The following SORT1 variants were observed in gnomAD, a reference collection of about 807,000 sequenced individuals.
SORT1 encodes sortilin.
In SORT1, 39 loss-of-function variants were observed where a neutral mutation model predicts 101.7. The observed-to-expected ratio is 0.38, with a 90% CI of 0.30 to 0.50. The LOEUF (loss-of-function observed/expected upper bound fraction) is 0.50, where lower values mean the gene tolerates loss of function less well. Among genes scored for constraint, SORT1 ranks in the 20% least tolerant of loss-of-function variants. The probability of loss-of-function intolerance (pLI) is 0.90; values close to 1 mark genes in which losing one functional copy is unlikely to be tolerated. For missense variants in SORT1, 878 were observed against 1,040.4 expected (o/e 0.84, Z 2.15); for synonymous variants, 396 against 393.7 (o/e 1.01, Z -0.07).
chr1:109,375,866 T>C (rs1395377139), intron 1 of SORT1, among the ~76,000 whole-genome samples: 1 of 152,132 alleles, frequency 6.6e-6, no homozygotes, highest in Non-Finnish European at 1.5e-5. Flanking sequence ...AGTGAAACTA[T>C]TTTTCAAAAA....
intron 1 of SORT1, among the ~76,000 whole-genome samples, chr1:109,387,159 T>G (rs1284155407): frequency 6.6e-6 from 1 of 151,918 alleles, no homozygotes; most frequent in African/African-American, 2.4e-5. Context: ...GGTGTGGTGG[T>G]GCACATCTGC....
At chr1:109,335,053 C>T (rs561762463) in intron 11 of SORT1, among the ~76,000 whole-genome samples, 49 of 152,150 alleles carry the variant, frequency 3.2e-4, no homozygotes, top group Non-Finnish European at 6.3e-4. Context: ...TCCACCAATC[C>T]TAGTCAACTG....
At chr1:109,366,052 T>C (rs1016317401) in intron 3 of SORT1, among the ~76,000 whole-genome samples, 10 of 152,220 alleles carry the variant, frequency 6.6e-5, no homozygotes, top group African/African-American at 2.4e-4. Context: ...GGTATGTCAT[T>C]ACTTCTTTAG....
At chr1:109,325,819 C>CA in intron 13 of SORT1, among the ~76,000 whole-genome samples, 1 of 151,710 alleles carries the variant, frequency 6.6e-6, no homozygotes, top group African/African-American at 2.4e-5. Flanking sequence ...TACCAAAACA[C>CA]AAAAAACAAA....
At chr1:109,362,588 T>A (rs2101617254) in intron 3 of SORT1, among the ~76,000 whole-genome samples, 1 of 152,294 alleles carries the variant, frequency 6.6e-6, no homozygotes, top group African/African-American at 2.4e-5. Context: ...TGGGAAAGGA[T>A]ACATGTTTTC....
rs529657236 is a variant in SORT1 at position 109,317,882 on chromosome 1, G to A, written c.2112C>T (p.Tyr704=). 4.6e-5 allele frequency: 75 copies of A among 1,613,502 alleles called. No individual in the cohort carries two copies. The South Asian group carries it at 5.6e-4, about 12-fold the overall frequency. ...LKGHDLEFCL[Y]GREEHLTTNG... Reference sequence around the variant, plus strand: ...TTGTTGTTAGGTGTTCTTCTCTTCCGTACAGACAAAACTCCAGGTCGTGGC... The same window carrying A: ...TTGTTGTTAGGTGTTCTTCTCTTCCATACAGACAAAACTCCAGGTCGTGGC... The change falls in exon 16 of 20, where the codon TAC becomes TAT. Residue 704 remains tyrosine, a synonymous_variant. Coordinates refer to ENST00000256637, the MANE Select transcript of SORT1 (RefSeq NM_002959.7).
intron 6 of SORT1, among the ~76,000 whole-genome samples, chr1:109,349,895 A>G (rs1649848572): frequency 6.6e-6 from 1 of 152,232 alleles, no homozygotes; most frequent in African/African-American, 2.4e-5. Context: ...AGAGTACAGG[A>G]AACTCTTGGG....
intron 1 of SORT1, among the ~76,000 whole-genome samples, chr1:109,394,185 C>T (rs2100936703): frequency 6.6e-6 from 1 of 152,124 alleles, no homozygotes; most frequent in East Asian, 1.9e-4. Flanking sequence ...TCTTGTCATC[C>T]CTTTTGTTTG....
At chr1:109,336,752 G>A (rs1648858582) in intron 10 of SORT1, among the ~76,000 whole-genome samples, 1 of 151,576 alleles carries the variant, frequency 6.6e-6, no homozygotes, top group Non-Finnish European at 1.5e-5. Context: ...GGGGCTGCAG[G>A]GGGTCAAGAT....
At chr1:109,376,424 T>C (rs1162466057) in intron 1 of SORT1, among the ~76,000 whole-genome samples, 1 of 151,996 alleles carries the variant, frequency 6.6e-6, no homozygotes, top group Non-Finnish European at 1.5e-5. Context: ...AACAAATCAT[T>C]CTACCAAAAA....
rs1366934312 is a variant in SORT1, at chr1:109,347,369, A to G, written c.832+114T>C. 19 of 675,854 alleles carry G rather than the reference A, an allele frequency of 2.8e-5. No homozygotes were observed. The Admixed American group carries it at 4.4e-4, about 16-fold the overall frequency. The allele number at this position is 675,854 out of a possible 1,614,324, so 41.9% of individuals were successfully genotyped here. A position where few individuals can be genotyped will look rare whatever the true frequency, so the allele number is the denominator to read the frequency against. On this transcript the variant is annotated intron_variant, in intron 7 of 19. Coordinates refer to ENST00000256637, the MANE Select transcript of SORT1 (RefSeq NM_002959.7). Reference sequence around the variant, plus strand: ...TAACCACTAACAGCTTTCTTTAGCTATTACAATTTCAGGAGAATGGAGGGA... The same window carrying G: ...TAACCACTAACAGCTTTCTTTAGCTGTTACAATTTCAGGAGAATGGAGGGA...
chr1:109,374,351 T>A (rs1211371301), intron 1 of SORT1, among the ~76,000 whole-genome samples: 2 of 152,010 alleles, frequency 1.3e-5, no homozygotes. Flanking sequence ...GGTGGGCGGA[T>A]CACTTGAGGT....
chr1:109,341,903 G>A, intron 9 of SORT1, 111 bp downstream of exon 9: 1 of 1,006,014 alleles, frequency 9.9e-7, no homozygotes, highest in Admixed American at 1.8e-5. Context: ...AAAATCAGTA[G>A]GGCACTAATA....
intron 1 of SORT1, among the ~76,000 whole-genome samples, chr1:109,383,834 T>C (rs1189968983): frequency 6.6e-6 from 1 of 152,148 alleles, no homozygotes; most frequent in East Asian, 1.9e-4. Context: ...TACAAAATAA[T>C]GTACAAGTTT....
At chr1:109,382,838 G>A (rs879041033) in intron 1 of SORT1, among the ~76,000 whole-genome samples, 6 of 152,074 alleles carry the variant, frequency 3.9e-5, no homozygotes, top group Non-Finnish European at 5.9e-5. Context: ...CCTTGAAAAC[G>A]GATGATATAA....
intron 5 of SORT1, among the ~76,000 whole-genome samples, chr1:109,351,437 TAAA>T (rs1649952751): frequency 6.6e-6 from 1 of 152,210 alleles, no homozygotes; most frequent in South Asian, 2.1e-4. Context: ...CACTGAGTTT[TAAA>T]TGATGAGCAG....
chr1:109,335,531 A>G (rs1648752370), intron 11 of SORT1, among the ~76,000 whole-genome samples: 1 of 152,176 alleles, frequency 6.6e-6, no homozygotes, highest in East Asian at 1.9e-4. Context: ...CTAGAAAAGC[A>G]AAGTGTATGT....
At chr1:109,326,452 TATATATATATATACATAC>T (rs1303372729) in intron 13 of SORT1, among the ~76,000 whole-genome samples, 1,218 of 30,512 alleles carry the variant, frequency 0.04, 34 homozygotes, top group Admixed American at 0.079. Flanking sequence ...TATATATATA[TATATATATATATACATAC>T]ACACACACAC....
At chr1:109,323,225 G>A (rs1168629525) in intron 14 of SORT1, 104 bp from the exon 15 acceptor site, 5 of 766,882 alleles carry the variant, frequency 6.5e-6, no homozygotes, top group Non-Finnish European at 1.1e-5. Flanking sequence ...AAGTGGGAAT[G>A]TCTGACTCAA....
Sources: allele counts gnomAD v4.1 joint callset (sites outside exome capture counted in the v4.1 genomes callset), GRCh38; gene constraint gnomAD v4.1.1; transcripts MANE v1.5; gene names NCBI Gene and HGNC (gene_info 2026-07-23, HGNC 2026-07-21).